Variants in NCBP2 observed in about 807,000 individuals in gnomAD.
NCBP2 encodes the protein nuclear cap binding protein subunit 2.
Under a neutral mutation model 21.5 loss-of-function variants are expected in NCBP2, and 8 were observed. The observed-to-expected ratio is 0.37, with a 90% CI of 0.22 to 0.67. The LOEUF is 0.67. Ranked by LOEUF, NCBP2 falls within the 30% of genes least tolerant of loss-of-function variation. NCBP2 has a pLI of 0.56. For missense variants in NCBP2, 127 were observed against 206.9 expected (o/e 0.61, Z 2.37); for synonymous variants, 92 against 75.8 (o/e 1.21, Z -1.11).
chr3:196,936,908 T>C lies in NCBP2; in HGVS notation c.*103A>G, dbSNP rs1716290179. ...GCTTCCAGCTCAGTAAAGACACTGA[T>C]CAAATCTTGGTAAAAATGGGCTCGT... On this transcript the variant is annotated 3_prime_UTR_variant, in exon 4 of 4. Coordinates refer to ENST00000321256, the MANE Select transcript of NCBP2 (RefSeq NM_007362.5). The C allele has an allele frequency of 9.4e-7, 1 of 1,065,252 alleles. No individual in the cohort carries two copies. The highest frequency in any genetic ancestry group is 1.6e-5 in the African/African-American group (1 of 64,188). 66.0% of individuals were successfully genotyped at this position (1,065,252 alleles called of 1,614,324 possible). A position where few individuals can be genotyped will look rare whatever the true frequency, so the allele number is the denominator to read the frequency against.
Position 196,939,333 on chromosome 3 carries a change from A to G in NCBP2, c.178T>C (p.Phe60Leu), listed in dbSNP as rs776180044. ...TTCTTTATGTCACCACTTTTGCTGA[A>G]GAGTTCATAGATTTGTTCTTCAGTT... ...YTTEEQIYEL[F>L]SKSGDIKKII... The change falls in exon 2 of 4, where the codon TTC (phenylalanine) becomes CTC (leucine). Residue 60 changes from phenylalanine to leucine, a missense_variant. Phe to Leu is a conservative substitution (Grantham distance 22). Coordinates refer to ENST00000321256, the MANE Select transcript of NCBP2 (RefSeq NM_007362.5). 6.2e-7 allele frequency: 1 copy of G among 1,613,298 alleles called. No homozygotes were observed. Among genetic ancestry groups the G allele is most frequent in the Admixed American group, 1.7e-5 (1 of 60,016 alleles).
intron 1 of NCBP2, among the ~76,000 whole-genome samples, chr3:196,940,500 AAGG>A (rs569853198): frequency 6.2e-4 from 94 of 152,200 alleles, no homozygotes; most frequent in African/African-American, 2.3e-3. Context: ...TGAACATGGA[AAGG>A]AGGCATCTTC....
At chr3:196,937,366 C>T (rs1716312961) in intron 3 of NCBP2, 144 bp downstream of exon 3, 15 of 1,259,054 alleles carry the variant, frequency 1.2e-5, no homozygotes, top group South Asian at 5.8e-5. Flanking sequence ...TCACCCAAAC[C>T]GTTGGGTGGT....
intron 1 of NCBP2, chr3:196,942,011 A>G: frequency 1.3e-6 from 2 of 1,536,128 alleles, no homozygotes; most frequent in East Asian, 2.4e-5. Flanking sequence ...GCCGATTTAA[A>G]AAACAAAGCA....
Position 196,937,029 on chromosome 3 carries a change from T to C in NCBP2, c.453A>G (p.Lys151=), listed in dbSNP as rs1716296387. ...TCACCACTCACTGGTTCTGTGCCAG[T>C]TTTCCATAGCCTCCTCTCCCAGCAT... ...DYDAGRGGYG[K]LAQNQ The change falls in exon 4 of 4, where the codon AAA becomes AAG. Residue 151 remains lysine (K), a synonymous_variant. Coordinates refer to ENST00000321256, the MANE Select transcript of NCBP2 (RefSeq NM_007362.5). The C allele has an allele frequency of 1.2e-6, 2 of 1,614,018 alleles. No individual in the cohort carries two copies. The highest frequency in any genetic ancestry group is 2.7e-5 in the African/African-American group (2 of 74,902).
chr3:196,941,969 A>T (rs1716604821), intron 1 of NCBP2: 1 of 1,536,182 alleles, frequency 6.5e-7, no homozygotes, highest in Non-Finnish European at 8.7e-7. Context: ...CCTCCCAGAG[A>T]AGGGGCCCGA....
chr3:196,939,794 T>C, intron 1 of NCBP2: 1 of 178,052 alleles, frequency 5.6e-6, no homozygotes, highest in Non-Finnish European at 1.2e-5. Context: ...CAAAGGGCCC[T>C]TTTATCCTTC....
chr3:196,939,357 T>C lies in NCBP2; in HGVS notation c.154A>G (p.Thr52Ala), dbSNP rs766744099. Residue 52 changes from threonine (T) to alanine (A), a missense_variant, in exon 2 of 4, where the codon ACT (threonine) becomes GCT (alanine). Coordinates refer to ENST00000321256, the MANE Select transcript of NCBP2 (RefSeq NM_007362.5). ...LYVGNLSFYT[T>A]EEQIYELFSK... ...AAGAGTTCATAGATTTGTTCTTCAGTTGTGTAAAAAGAAAGATTTCCAACA... is the reference window on the plus strand; with the variant it reads ...AAGAGTTCATAGATTTGTTCTTCAGCTGTGTAAAAAGAAAGATTTCCAACA... 3 of 1,613,054 alleles carry C rather than the reference T, an allele frequency of 1.9e-6. No individual in the cohort carries two copies. The highest frequency in any genetic ancestry group is 2.5e-6 in the Non-Finnish European group (3 of 1,179,012).
At chr3:196,939,929 A>G (rs1366716584) in intron 1 of NCBP2, 1 of 152,790 alleles carries the variant, frequency 6.5e-6, no homozygotes, top group Non-Finnish European at 1.5e-5. Context: ...AGTTTAGGGG[A>G]AAATGTAGTG....
rs143579250 is a variant in NCBP2, at chr3:196,942,465, G to T, written c.39C>A (p.Ser13=). The T allele has an allele frequency of 1.2e-6, 2 of 1,613,206 alleles. No individual in the cohort carries two copies. The highest frequency in any genetic ancestry group is 2.7e-5 in the African/African-American group (2 of 74,924). ...CCCGGTACTGGCTCAGCTCCACGTA[G>T]GAGTCGCTGCGCAGCGCCTTCAGGA... ...GGLLKALRSD[S]YVELSQYRDQ... The change falls in exon 1 of 4, where the codon TCC becomes TCA. Residue 13 remains serine, a synonymous_variant. Coordinates refer to ENST00000321256, the MANE Select transcript of NCBP2 (RefSeq NM_007362.5).
At chr3:196,939,974 T>C (rs1716453876) in intron 1 of NCBP2, 1 of 152,436 alleles carries the variant, frequency 6.6e-6, no homozygotes, top group South Asian at 2.1e-4. Context: ...ACTTTCTTAA[T>C]GGGCTTCCAA....
At chr3:196,940,409 G>A (rs943139769) in intron 1 of NCBP2, among the ~76,000 whole-genome samples, 1 of 143,536 alleles carries the variant, frequency 7.0e-6, no homozygotes, top group African/African-American at 2.5e-5. Context: ...GTCATTGTAT[G>A]TTAAAAAGAG....
rs1319860973 is a variant in NCBP2 at position 196,936,032 on chromosome 3, C to T, written c.*979G>A. The T allele has an allele frequency of 4.6e-5, 7 of 152,226 alleles. No homozygotes were observed. Among genetic ancestry groups the T allele is most frequent in the Non-Finnish European group, 1.0e-4 (7 of 68,054 alleles). 9.4% of individuals were successfully genotyped at this position (152,226 alleles called of 1,614,324 possible). On this transcript the variant is annotated 3_prime_UTR_variant, in exon 4 of 4. Coordinates refer to ENST00000321256, the MANE Select transcript of NCBP2 (RefSeq NM_007362.5). Reference sequence around the variant, plus strand: ...TTAAAACCCAGTCCATTCCCAACATCACTGAAAATGAAAAGAATAAACTTG... The same window carrying T: ...TTAAAACCCAGTCCATTCCCAACATTACTGAAAATGAAAAGAATAAACTTG...
chr3:196,942,514 A>G lies in NCBP2; in HGVS notation c.-11T>C, dbSNP rs1716650217. On this transcript the variant is annotated 5_prime_UTR_variant, in exon 1 of 4. Coordinates refer to ENST00000321256, the MANE Select transcript of NCBP2 (RefSeq NM_007362.5). The stretch of plus-strand genomic sequence containing the variant: ...GAGGCCACCCGACATAGTGCAGAGA[A>G]GCGGACCACAATGCGGCGACTCCCG... 1 of 1,609,686 alleles carries G rather than the reference A, an allele frequency of 6.2e-7. No homozygotes were observed. The highest frequency in any genetic ancestry group is 8.5e-7 in the Non-Finnish European group (1 of 1,177,904).
chr3:196,937,494 G>A lies in NCBP2; in HGVS notation c.399+16C>T, dbSNP rs1560168781. 1 of 1,613,566 alleles carries A rather than the reference G, an allele frequency of 6.2e-7. No homozygotes were observed. The highest frequency in any genetic ancestry group is 1.3e-5 in the African/African-American group (1 of 75,028). On this transcript the variant is annotated intron_variant, in intron 3 of 3. Transcript: ENST00000321256. ...ATCCCAGGCAATGGCTGAGCCCAGA[G>A]ACCCTTCTTGCATACCTGGCCCCCA...
chr3:196,942,046 A>C (rs2108884654), intron 1 of NCBP2: 3 of 1,534,868 alleles, frequency 2.0e-6, no homozygotes, highest in Admixed American at 2.0e-5. Context: ...TGCATCAGGA[A>C]GGCGCCTCTG....
intron 1 of NCBP2, chr3:196,942,195 G>C: frequency 6.9e-7 from 1 of 1,454,152 alleles, no homozygotes; most frequent in Non-Finnish European, 9.0e-7. Context: ...GAGCGGCTGC[G>C]AGCGAATGGG....
chr3:196,939,341 T>C lies in NCBP2; in HGVS notation c.170A>G (p.Tyr57Cys). 2 of 1,613,122 alleles carry C rather than the reference T, an allele frequency of 1.2e-6. No homozygotes were observed. Among genetic ancestry groups the C allele is most frequent in the Non-Finnish European group, 1.7e-6 (2 of 1,179,036 alleles). ...LSFYTTEEQI[Y>C]ELFSKSGDIK... is the part of the protein sequence containing the mutation. ...GTCACCACTTTTGCTGAAGAGTTCATAGATTTGTTCTTCAGTTGTGTAAAA... is the reference window on the plus strand; with the variant it reads ...GTCACCACTTTTGCTGAAGAGTTCACAGATTTGTTCTTCAGTTGTGTAAAA... Residue 57 changes from tyrosine to cysteine, a missense_variant, in exon 2 of 4, where the codon TAT becomes TGT. Transcript: ENST00000321256.
intron 2 of NCBP2, 25 bp from the exon 3 acceptor site, chr3:196,937,673 T>A: frequency 1.9e-6 from 3 of 1,610,348 alleles, no homozygotes; most frequent in Non-Finnish European, 2.5e-6. Flanking sequence ...AACACTAGCA[T>A]TTTTCCAAAC....
Sources: allele counts gnomAD v4.1 joint callset (sites outside exome capture counted in the v4.1 genomes callset), GRCh38; gene constraint gnomAD v4.1.1; transcripts MANE v1.5; gene names NCBI Gene and HGNC (gene_info 2026-07-23, HGNC 2026-07-21).